Variants in ZCCHC7 observed in about 807,000 individuals in gnomAD.
The protein encoded by ZCCHC7 is zinc finger CCHC domain-containing protein 7.
In ZCCHC7, 35 loss-of-function variants were observed where a neutral mutation model predicts 52.0. The observed-to-expected ratio is 0.67, with a 90% CI of 0.51 to 0.89. ZCCHC7 has a LOEUF of 0.89. Ranked by LOEUF, ZCCHC7 falls within the 40% of genes least tolerant of loss-of-function variation. ZCCHC7 has a pLI of 0.00. For missense variants in ZCCHC7, 574 were observed against 649.1 expected, an observed-to-expected ratio of 0.88 and a Z score of 1.26; for synonymous variants, 217 against 221.5, an observed-to-expected ratio of 0.98 and a Z score of 0.18.
intron 2 of ZCCHC7, among the ~76,000 whole-genome samples, chr9:37,200,290 C>T (rs1002741825): frequency 2.0e-5 from 3 of 151,930 alleles, no homozygotes; most frequent in Admixed American, 1.3e-4. Context: ...AAAACAAACC[C>T]GAAAACAAAA....
intron 6 of ZCCHC7, among the ~76,000 whole-genome samples, chr9:37,331,966 C>T (rs1295596112): frequency 1.3e-5 from 2 of 151,558 alleles, no homozygotes; most frequent in Non-Finnish European, 3.0e-5. Flanking sequence ...AGGCCTAGCA[C>T]ATAGGTTTTC....
intron 2 of ZCCHC7, among the ~76,000 whole-genome samples, chr9:37,129,834 C>G (rs776290444): frequency 7.2e-5 from 11 of 152,210 alleles, no homozygotes; most frequent in Non-Finnish European, 1.5e-4. Flanking sequence ...TTGGCACATA[C>G]ATTACCTGCT....
At chr9:37,235,405 T>C (rs957496690) in intron 2 of ZCCHC7, among the ~76,000 whole-genome samples, 1 of 152,136 alleles carries the variant, frequency 6.6e-6, no homozygotes, top group African/African-American at 2.4e-5. Flanking sequence ...TCCTCCAGGC[T>C]TATCCATGTA....
At chr9:37,334,279 T>C (rs1487403858) in intron 6 of ZCCHC7, among the ~76,000 whole-genome samples, 1 of 151,944 alleles carries the variant, frequency 6.6e-6, no homozygotes, top group Non-Finnish European at 1.5e-5. Flanking sequence ...TAAAATATAC[T>C]AGAGCATTGA....
At chr9:37,154,228 C>T (rs1255822931) in intron 2 of ZCCHC7, among the ~76,000 whole-genome samples, 1 of 152,118 alleles carries the variant, frequency 6.6e-6, no homozygotes, top group African/African-American at 2.4e-5. Flanking sequence ...GGAGGGGTGT[C>T]AACTCTTCTT....
chr9:37,280,248 G>A (rs1827890281), intron 2 of ZCCHC7, among the ~76,000 whole-genome samples: 1 of 152,104 alleles, frequency 6.6e-6, no homozygotes, highest in African/African-American at 2.4e-5. Context: ...GGGATTAAAG[G>A]ATCTCCTCAT....
At chr9:37,294,565 A>C (rs908133510) in intron 2 of ZCCHC7, among the ~76,000 whole-genome samples, 3 of 152,206 alleles carry the variant, frequency 2.0e-5, no homozygotes, top group Admixed American at 6.5e-5. Flanking sequence ...TGGTTATTAC[A>C]GAAATTGTAA....
intron 2 of ZCCHC7, among the ~76,000 whole-genome samples, chr9:37,165,343 T>C (rs1821361983): frequency 6.6e-6 from 1 of 152,136 alleles, no homozygotes; most frequent in Admixed American, 6.5e-5. Context: ...CCATATTGGA[T>C]GGAAGGGAAC....
intron 5 of ZCCHC7, among the ~76,000 whole-genome samples, chr9:37,314,583 T>G (rs1464135327): frequency 6.6e-6 from 1 of 152,014 alleles, no homozygotes; most frequent in Non-Finnish European, 1.5e-5. Flanking sequence ...GGCTAAAAGA[T>G]TCACCAAATC....
intron 5 of ZCCHC7, chr9:37,322,125 A>AT (rs1305712289): frequency 1.3e-5 from 2 of 152,228 alleles, no homozygotes; most frequent in African/African-American, 4.8e-5. Flanking sequence ...ACTAGAAAGC[A>AT]GGAAGTAAGA....
intron 2 of ZCCHC7, among the ~76,000 whole-genome samples, chr9:37,257,849 G>C (rs943201316): frequency 6.6e-6 from 1 of 152,132 alleles, no homozygotes; most frequent in Non-Finnish European, 1.5e-5. Context: ...AGCAGATGCT[G>C]GTGCCATGCT....
At chr9:37,186,669 T>G in intron 2 of ZCCHC7, 1 of 577,048 alleles carries the variant, frequency 1.7e-6, no homozygotes, top group South Asian at 2.1e-5. Context: ...AAAATTATAC[T>G]CTTAGAATAT....
At chr9:37,147,306 C>T (rs1843474785) in intron 2 of ZCCHC7, 1 of 151,900 alleles carries the variant, frequency 6.6e-6, no homozygotes, top group Non-Finnish European at 1.5e-5. Flanking sequence ...AATGGAAAAA[C>T]ATTTTGTCCC....
intron 5 of ZCCHC7, among the ~76,000 whole-genome samples, chr9:37,321,419 G>A (rs1830050071): frequency 6.6e-6 from 1 of 152,084 alleles, no homozygotes; most frequent in Non-Finnish European, 1.5e-5. Flanking sequence ...ATAAACCACT[G>A]TTCCTGGCCT....
intron 2 of ZCCHC7, among the ~76,000 whole-genome samples, chr9:37,186,395 T>C (rs1822656968): frequency 6.6e-6 from 1 of 152,210 alleles, no homozygotes; most frequent in Admixed American, 6.5e-5. Flanking sequence ...TGGATTTTCA[T>C]AAACTTTTAT....
intron 6 of ZCCHC7, 82 bp downstream of exon 6, chr9:37,327,916 A>G: frequency 1.4e-6 from 2 of 1,402,676 alleles, no homozygotes; most frequent in Non-Finnish European, 2.0e-6. Context: ...AAATATAGAC[A>G]AGCATCTTCT....
intron 2 of ZCCHC7, among the ~76,000 whole-genome samples, chr9:37,299,977 G>A (rs575224178): frequency 6.6e-6 from 1 of 152,222 alleles, no homozygotes; most frequent in East Asian, 1.9e-4. Context: ...TATATAGAGG[G>A]CCAACTTTTT....
At chr9:37,186,168 T>C (rs1822643327) in intron 2 of ZCCHC7, among the ~76,000 whole-genome samples, 1 of 152,200 alleles carries the variant, frequency 6.6e-6, no homozygotes, top group Non-Finnish European at 1.5e-5. Context: ...TAAAAACATG[T>C]TCTAAACATG....
intron 2 of ZCCHC7, among the ~76,000 whole-genome samples, chr9:37,225,888 C>T (rs964191000): frequency 3.9e-5 from 6 of 152,192 alleles, no homozygotes; most frequent in Non-Finnish European, 5.9e-5. Flanking sequence ...ACAGTCCCTT[C>T]TCAGATACAT....
Sources: allele counts gnomAD v4.1 joint callset (sites outside exome capture counted in the v4.1 genomes callset), GRCh38; gene constraint gnomAD v4.1.1; transcripts MANE v1.5; gene names NCBI Gene and HGNC (gene_info 2026-07-23, HGNC 2026-07-21).